Variants in TMEM108 observed in about 807,000 individuals in gnomAD.
TMEM108 encodes cancer/testis antigen 124.
In TMEM108, 12 loss-of-function variants were observed where a neutral mutation model predicts 35.1. That is an observed-to-expected ratio of 0.34 (90% confidence interval 0.22 to 0.55). TMEM108 has a LOEUF of 0.55. Ranked by LOEUF, TMEM108 falls within the 20% of genes least tolerant of loss-of-function variation. The pLI, the probability that TMEM108 is intolerant of heterozygous loss-of-function variation, is 0.89. For missense variants in TMEM108, 680 were observed against 753.3 expected, an observed-to-expected ratio of 0.90 and a Z score of 1.14; for synonymous variants, 287 against 308.6, an observed-to-expected ratio of 0.93 and a Z score of 0.73.
chr3:133,342,239 T>A (rs1004363512), intron 3 of TMEM108, among the ~76,000 whole-genome samples: 2 of 151,436 alleles, frequency 1.3e-5, no homozygotes, highest in African/African-American at 4.8e-5. Flanking sequence ...AATGGGTATT[T>A]CTCAAAAGAA....
chr3:133,378,470 T>C lies in TMEM108; in HGVS notation c.41-1282T>C, dbSNP rs552188306. On this transcript the variant is annotated intron_variant, in intron 3 of 5. Coordinates refer to ENST00000321871, the MANE Select transcript of TMEM108 (RefSeq NM_023943.4). ...AATTAGACGCAGACAGAGATCTCTCTCCATAGTCAGAGGAGCCTAGCAGGG... is the reference window on the plus strand; with the variant it reads ...AATTAGACGCAGACAGAGATCTCTCCCCATAGTCAGAGGAGCCTAGCAGGG... The C allele has an allele frequency of 4.0e-5, 39 of 985,468 alleles. No homozygotes were observed. The Admixed American group carries it at 1.1e-3, about 28-fold the overall frequency. 61.0% of individuals were successfully genotyped at this position (985,468 alleles called of 1,614,324 possible). A position where few individuals can be genotyped will look rare whatever the true frequency, so the allele number is the denominator to read the frequency against.
intron 2 of TMEM108, among the ~76,000 whole-genome samples, chr3:133,055,151 T>G (rs1559817590): frequency 6.6e-6 from 1 of 152,142 alleles, no homozygotes; most frequent in Non-Finnish European, 1.5e-5. Flanking sequence ...AAGCAAAAAA[T>G]ATAGAATTGT....
intron 2 of TMEM108, among the ~76,000 whole-genome samples, chr3:133,202,637 G>A (rs1007534277): frequency 6.6e-6 from 1 of 152,100 alleles, no homozygotes; most frequent in African/African-American, 2.4e-5. Context: ...CCTCTGTTCT[G>A]TTCCATTGGT....
At chr3:133,310,820 T>C (rs4447761) in intron 3 of TMEM108, among the ~76,000 whole-genome samples, 2 of 152,116 alleles carry the variant, frequency 1.3e-5, no homozygotes, top group African/African-American at 2.4e-5. Flanking sequence ...CATAGCATCA[T>C]TGGTCTTTAC....
chr3:133,133,709 TA>T (rs922857303), intron 2 of TMEM108, among the ~76,000 whole-genome samples: 2 of 151,206 alleles, frequency 1.3e-5, no homozygotes, highest in Non-Finnish European at 2.9e-5. Context: ...TTTTTTTTTT[TA>T]GACGGAGTCT....
intron 2 of TMEM108, among the ~76,000 whole-genome samples, chr3:133,199,073 T>C (rs1945621998): frequency 1.3e-5 from 2 of 152,246 alleles, no homozygotes; most frequent in Admixed American, 6.5e-5. Flanking sequence ...TTCCACTTGA[T>C]TGAATCAGCT....
chr3:133,383,646 T>C (rs912624485), intron 4 of TMEM108, among the ~76,000 whole-genome samples: 1 of 152,142 alleles, frequency 6.6e-6, no homozygotes, highest in East Asian at 1.9e-4. Context: ...GGAAAGCCCA[T>C]GGGCTGCCTA....
intron 3 of TMEM108, among the ~76,000 whole-genome samples, chr3:133,245,376 G>A (rs1165931066): frequency 6.6e-6 from 1 of 152,144 alleles, no homozygotes; most frequent in Non-Finnish European, 1.5e-5. Flanking sequence ...CTTATTCCTT[G>A]CGAAGTTCTT....
intron 3 of TMEM108, among the ~76,000 whole-genome samples, chr3:133,279,517 C>T (rs1343350921): frequency 6.6e-6 from 1 of 152,214 alleles, no homozygotes; most frequent in South Asian, 2.1e-4. Flanking sequence ...TGGGGCCTCT[C>T]GTAACTCCAC....
intron 3 of TMEM108, among the ~76,000 whole-genome samples, chr3:133,307,859 A>T (rs372731397): frequency 6.6e-6 from 1 of 152,058 alleles, no homozygotes; most frequent in African/African-American, 2.4e-5. Context: ...TTTTGGTTTC[A>T]TATGAACTTT....
chr3:133,221,856 C>T (rs891336261), intron 2 of TMEM108, among the ~76,000 whole-genome samples: 1 of 151,822 alleles, frequency 6.6e-6, no homozygotes, highest in African/African-American at 2.4e-5. Flanking sequence ...TTACAGTTTA[C>T]ATCTTTTATA....
chr3:133,071,913 C>A, intron 2 of TMEM108, among the ~76,000 whole-genome samples: 1 of 152,144 alleles, frequency 6.6e-6, no homozygotes, highest in Non-Finnish European at 1.5e-5. Context: ...ATCACCAAGT[C>A]AAATTCCAAT....
intron 3 of TMEM108, among the ~76,000 whole-genome samples, chr3:133,343,476 G>A (rs1031528085): frequency 6.6e-6 from 1 of 151,906 alleles, no homozygotes; most frequent in Non-Finnish European, 1.5e-5. Context: ...GAACCAAGAT[G>A]TCCTTCAGCA....
At chr3:133,129,354 C>G (rs1944459251) in intron 2 of TMEM108, among the ~76,000 whole-genome samples, 2 of 134,380 alleles carry the variant, frequency 1.5e-5, no homozygotes, top group South Asian at 2.4e-4. Flanking sequence ...CCACACCCCC[C>G]CCCCCAAAAA....
At chr3:133,154,402 C>A (rs1261642953) in intron 2 of TMEM108, among the ~76,000 whole-genome samples, 2 of 152,008 alleles carry the variant, frequency 1.3e-5, no homozygotes, top group Non-Finnish European at 2.9e-5. Context: ...AGGTTTTCTT[C>A]TAGGGTTTTT....
At chr3:133,159,572 G>A (rs560975238) in intron 2 of TMEM108, among the ~76,000 whole-genome samples, 1 of 152,302 alleles carries the variant, frequency 6.6e-6, no homozygotes, top group South Asian at 2.1e-4. Context: ...CCACTATGAT[G>A]ATGATAACCC....
intron 2 of TMEM108, among the ~76,000 whole-genome samples, chr3:133,112,491 T>A (rs1356468516): frequency 6.6e-6 from 1 of 152,140 alleles, no homozygotes; most frequent in Non-Finnish European, 1.5e-5. Context: ...ATAAAGAAAC[T>A]TTCTGATGTT....
intron 2 of TMEM108, among the ~76,000 whole-genome samples, chr3:133,211,806 A>G (rs1160147745): frequency 2.0e-5 from 3 of 152,342 alleles, no homozygotes; most frequent in Middle Eastern, 3.4e-3. Flanking sequence ...TGAGTCCTCA[A>G]GTAGAATTCA....
At chr3:133,340,547 C>T (rs1258491415) in intron 3 of TMEM108, among the ~76,000 whole-genome samples, 1 of 151,726 alleles carries the variant, frequency 6.6e-6, no homozygotes, top group Admixed American at 6.6e-5. Context: ...GGAGAGAATA[C>T]TTCCGAACTC....
Sources: gnomAD v4.1 joint callset for allele counts (sites outside exome capture counted in the v4.1 genomes callset) on GRCh38, gnomAD v4.1.1 for gene constraint, MANE v1.5 for transcripts, NCBI Gene and HGNC (gene_info 2026-07-23, HGNC 2026-07-21) for gene names.